Variants in EIF4E observed in about 807,000 individuals in gnomAD.
The protein encoded by EIF4E is eIF-4F 25 kDa subunit.
For synonymous variants in EIF4E, 71 were observed against 88.5 expected (o/e 0.80, Z 1.11); for missense variants, 113 against 265.6 (o/e 0.43, Z 3.99).
chr4:98,904,400 T>C (rs1724776684), intron 1 of EIF4E, among the ~76,000 whole-genome samples: 4 of 152,144 alleles, frequency 2.6e-5, no homozygotes, highest in South Asian at 2.1e-4. Flanking sequence ...ATTCAGTTCC[T>C]AGAATTTTAA....
intron 1 of EIF4E, among the ~76,000 whole-genome samples, chr4:98,902,791 A>G (rs1348506610): frequency 6.6e-6 from 1 of 152,122 alleles, no homozygotes. Flanking sequence ...GGATTGCTTG[A>G]GCCCAGGAGT....
intron 3 of EIF4E, among the ~76,000 whole-genome samples, chr4:98,888,382 T>C (rs372958129): frequency 1.8e-4 from 28 of 152,166 alleles, no homozygotes; most frequent in African/African-American, 6.7e-4. Context: ...ACCATCAGGA[T>C]TGCATGACTG....
At chr4:98,885,992 G>A (rs1348593358) in intron 5 of EIF4E, among the ~76,000 whole-genome samples, 1 of 152,042 alleles carries the variant, frequency 6.6e-6, no homozygotes, top group Non-Finnish European at 1.5e-5. Context: ...TTCTTAAAAA[G>A]TCATTCATTC....
At chr4:98,895,679 G>A (rs1335504242) in intron 2 of EIF4E, 1 of 152,210 alleles carries the variant, frequency 6.6e-6, no homozygotes, top group Non-Finnish European at 1.5e-5. Flanking sequence ...ACGAGGTCAA[G>A]TATACATGCT....
chr4:98,893,710 G>T (rs1051358029), intron 2 of EIF4E, among the ~76,000 whole-genome samples: 1 of 152,162 alleles, frequency 6.6e-6, no homozygotes, highest in Non-Finnish European at 1.5e-5. Context: ...AGTCTTGAAC[G>T]CTTCAAAGTC....
chr4:98,896,345 G>A (rs1724388789), intron 2 of EIF4E, among the ~76,000 whole-genome samples: 1 of 151,266 alleles, frequency 6.6e-6, no homozygotes, highest in Non-Finnish European at 1.5e-5. Flanking sequence ...GCACGCCAAC[G>A]TGAGTGATAG....
Position 98,882,336 on chromosome 4 carries a change from G to A in EIF4E, c.540-1194C>T, listed in dbSNP as rs114415683. Among the ~76,000 whole-genome samples, 1,330 of 146,930 alleles carry A rather than the reference G, an allele frequency of 9.1e-3. 24 individuals are homozygous for A. The highest frequency in any genetic ancestry group is 0.032 in the African/African-American group (1,261 of 39,592). ...GAACCTGGGAGGCAGAGCTTGCAGT[G>A]AGCTTGAGTGAGACTGTGCCACTGC... On this transcript the variant is annotated intron_variant, in intron 6 of 6. Transcript: ENST00000450253.
At chr4:98,886,784 A>G (rs942262720) in intron 5 of EIF4E, 2 of 384,740 alleles carry the variant, frequency 5.2e-6, no homozygotes, top group African/African-American at 4.2e-5. Flanking sequence ...AAAAACTTCA[A>G]TCATACAAAA....
At chr4:98,922,353 C>A (rs113847522) in intron 1 of EIF4E, among the ~76,000 whole-genome samples, 4 of 151,964 alleles carry the variant, frequency 2.6e-5, no homozygotes, top group Non-Finnish European at 4.4e-5. Flanking sequence ...GTCAGGAGTT[C>A]GAGACCAGCC....
At chr4:98,926,795 C>T (rs1332437859) in intron 1 of EIF4E, among the ~76,000 whole-genome samples, 1 of 152,150 alleles carries the variant, frequency 6.6e-6, no homozygotes, top group African/African-American at 2.4e-5. Flanking sequence ...AACTTTGTAT[C>T]CTAAAGAACA....
chr4:98,911,548 C>G (rs1348678132), intron 1 of EIF4E, among the ~76,000 whole-genome samples: 6 of 149,328 alleles, frequency 4.0e-5, no homozygotes, highest in Non-Finnish European at 8.9e-5. Context: ...GTAATCCCAG[C>G]TACTCGGGAA....
intron 1 of EIF4E, among the ~76,000 whole-genome samples, chr4:98,924,541 A>G (rs560500568): frequency 1.3e-5 from 2 of 152,166 alleles, no homozygotes; most frequent in South Asian, 4.1e-4. Context: ...TCTAAGTCTA[A>G]TAATCATGCT....
intron 1 of EIF4E, among the ~76,000 whole-genome samples, chr4:98,928,317 G>A (rs1326733783): frequency 2.6e-5 from 4 of 152,048 alleles, no homozygotes; most frequent in Admixed American, 2.6e-4. Context: ...CCCAAGCATG[G>A]AGGGGCGAGG....
chr4:98,917,529 T>C (rs576936432), intron 1 of EIF4E, among the ~76,000 whole-genome samples: 2 of 152,228 alleles, frequency 1.3e-5, no homozygotes, highest in African/African-American at 4.8e-5. Context: ...CTTCATCCAA[T>C]AGTGGCAATA....
At chr4:98,918,154 G>A (rs985486083) in intron 1 of EIF4E, among the ~76,000 whole-genome samples, 2 of 151,804 alleles carry the variant, frequency 1.3e-5, no homozygotes, top group Non-Finnish European at 2.9e-5. Flanking sequence ...CCTAAGATCA[G>A]GAGTTTGAGA....
chr4:98,884,377 G>A (rs1308053858), intron 6 of EIF4E, among the ~76,000 whole-genome samples: 1 of 152,090 alleles, frequency 6.6e-6, no homozygotes, highest in African/African-American at 2.4e-5. Flanking sequence ...ATACTTCACT[G>A]CTAAGAAAAA....
intron 3 of EIF4E, among the ~76,000 whole-genome samples, chr4:98,888,297 TAC>T (rs1344143093): frequency 2.6e-5 from 4 of 152,050 alleles, no homozygotes; most frequent in Non-Finnish European, 5.9e-5. Context: ...CTGAAGTTAA[TAC>T]ACAGTTTTTT....
intron 2 of EIF4E, chr4:98,895,263 A>G (rs1423928310): frequency 6.6e-6 from 1 of 152,224 alleles, no homozygotes; most frequent in Non-Finnish European, 1.5e-5. Context: ...CAGGATTTCC[A>G]CAAACCTTCA....
In EIF4E at chr4:98,879,327, T is replaced by C. The variant is rs1273105542; in HGVS notation, c.*1701A>G. Reference sequence around the variant, plus strand: ...ACAGGGTTTTTGTCAAGTTTATCAGTTTTAAAATGATTAAGTCATAATCAC... The same window carrying C: ...ACAGGGTTTTTGTCAAGTTTATCAGCTTTAAAATGATTAAGTCATAATCAC... On this transcript the variant is annotated 3_prime_UTR_variant, in exon 7 of 7. Transcript: ENST00000450253. 3 of 152,148 alleles carry C rather than the reference T, an allele frequency of 2.0e-5. No homozygotes were observed. Among genetic ancestry groups the C allele is most frequent in the Non-Finnish European group, 4.4e-5 (3 of 68,012 alleles). 9.4% of individuals were successfully genotyped at this position (152,148 alleles called of 1,614,324 possible). A position where few individuals can be genotyped will look rare whatever the true frequency, so the allele number is the denominator to read the frequency against.
Sources: allele counts gnomAD v4.1 joint callset (sites outside exome capture counted in the v4.1 genomes callset), GRCh38; gene constraint gnomAD v4.1.1; transcripts MANE v1.5; gene names NCBI Gene and HGNC (gene_info 2026-07-23, HGNC 2026-07-21).